Variants in CALN1 observed in about 807,000 individuals in gnomAD.
CALN1 encodes the protein calcium-binding protein 8.
A neutral mutation model predicts 30.6 loss-of-function variants in CALN1; 17 were observed. The ratio of observed to expected loss-of-function variants is 0.56; its 90% CI spans 0.38 to 0.83. The LOEUF (loss-of-function observed/expected upper bound fraction) is 0.83, where lower values mean the gene tolerates loss of function less well. Among genes scored for constraint, CALN1 ranks in the 40% least tolerant of loss-of-function variants. The pLI, the probability that CALN1 is intolerant of heterozygous loss-of-function variation, is 0.00. For synonymous variants in CALN1, 156 were observed against 131.4 expected (o/e 1.19, Z -1.28); for missense variants, 291 against 354.9 (o/e 0.82, Z 1.45).
intron 3 of CALN1, among the ~76,000 whole-genome samples, chr7:72,124,299 A>G (rs1230219358): frequency 6.6e-6 from 1 of 152,206 alleles, no homozygotes; most frequent in Non-Finnish European, 1.5e-5. Flanking sequence ...CTTGGAAAAA[A>G]TTAAGTTACA....
chr7:72,480,643 G>A, the CALN1 span, among the ~76,000 whole-genome samples: 1 of 152,162 alleles, frequency 6.6e-6, no homozygotes, highest in East Asian at 1.9e-4. Flanking sequence ...ATTCATCAGT[G>A]AAGCTGTTTA....
chr7:72,271,575 A>AAAAAAATATATATATATATATATATATAT lies in CALN1; in HGVS notation c.244+7110_244+7111insATATATATATATATATATATATATTTTTT. Among the ~76,000 whole-genome samples the AAAAAAATATATATATATATATATATATAT allele has an allele frequency of 9.4e-4, 49 of 52,090 alleles. 3 individuals are homozygous for AAAAAAATATATATATATATATATATATAT. Among genetic ancestry groups the AAAAAAATATATATATATATATATATATAT allele is most frequent in the Non-Finnish European group, 1.1e-3 (36 of 32,340 alleles). The allele number at this position is 52,090 out of a possible 152,430, so 34.2% of individuals were successfully genotyped here. A position where few individuals can be genotyped will look rare whatever the true frequency, so the allele number is the denominator to read the frequency against. On this transcript the variant is annotated intron_variant, in intron 3 of 6. Transcript: ENST00000395275. ...CTGTGCCTGCCTTTTAAAAAAAAAA[A>AAAAAAATATATATATATATATATATATAT]ATATATATATATATATATAGTTTTC...
Position 72,010,026 on chromosome 7 carries a change from T to C in CALN1, c.501+13631A>G, listed in dbSNP as rs527398851. Among the ~76,000 whole-genome samples the C allele has an allele frequency of 1.6e-4, 24 of 152,300 alleles. 1 individual carries two copies. In the South Asian group the frequency reaches 3.5e-3, roughly 22 times the overall value. On this transcript the variant is annotated intron_variant, in intron 5 of 6. Transcript: ENST00000395275. ...CAGTCAACACAAATGGGATAAAATA[T>C]ACACTGCTGAAAGGAAGGTAACAAA... is the stretch of plus-strand genomic sequence containing the variant.
At chr7:72,094,956 T>A (rs769408784) in intron 4 of CALN1, among the ~76,000 whole-genome samples, 1 of 152,152 alleles carries the variant, frequency 6.6e-6, no homozygotes, top group Non-Finnish European at 1.5e-5. Flanking sequence ...AGCCAAAACA[T>A]TCACATATAG....
intron 3 of CALN1, among the ~76,000 whole-genome samples, chr7:72,109,931 G>A (rs34518405): frequency 0.25 from 37,626 of 152,102 alleles, 5,563 homozygotes; most frequent in East Asian, 0.69. Context: ...GTTTTACACT[G>A]GGGCCAGGAC....
chr7:72,305,304 T>C (rs534577580), intron 2 of CALN1, among the ~76,000 whole-genome samples: 52 of 152,344 alleles, frequency 3.4e-4, no homozygotes, highest in Non-Finnish European at 5.6e-4. Flanking sequence ...GGAATGCTTT[T>C]GGCAGGTGAT....
intron 3 of CALN1, among the ~76,000 whole-genome samples, chr7:72,200,191 C>CA (rs1013153413): frequency 1.3e-5 from 2 of 152,048 alleles, no homozygotes; most frequent in Non-Finnish European, 2.9e-5. Context: ...GTGGCAATGA[C>CA]ACATTTTTGA....
At chr7:71,876,659 G>T (rs537675658) in intron 5 of CALN1, among the ~76,000 whole-genome samples, 4 of 151,958 alleles carry the variant, frequency 2.6e-5, no homozygotes, top group African/African-American at 9.7e-5. Flanking sequence ...AATGACCCCG[G>T]GTGTCCTCCC....
intron 3 of CALN1, among the ~76,000 whole-genome samples, chr7:72,175,286 G>T (rs1049930149): frequency 1.3e-5 from 2 of 152,108 alleles, no homozygotes; most frequent in Admixed American, 6.5e-5. Flanking sequence ...TGTTAGCCAG[G>T]ATGGTCTCGA....
At chr7:72,087,882 G>A (rs750276121) in intron 4 of CALN1, among the ~76,000 whole-genome samples, 2 of 152,168 alleles carry the variant, frequency 1.3e-5, no homozygotes, top group Non-Finnish European at 2.9e-5. Flanking sequence ...GAGAGTGTAC[G>A]CTGGGCGTGA....
intron 2 of CALN1, among the ~76,000 whole-genome samples, chr7:72,331,967 T>C (rs1363526173): frequency 6.6e-6 from 1 of 152,218 alleles, no homozygotes; most frequent in Non-Finnish European, 1.5e-5. Flanking sequence ...TGATTTTCAG[T>C]TCCTGCGTTT....
chr7:72,438,581 G>A (rs184854667), intron 1 of CALN1, among the ~76,000 whole-genome samples: 25 of 152,222 alleles, frequency 1.6e-4, no homozygotes, highest in Admixed American at 1.1e-3. Context: ...AATAGTAGCC[G>A]CCACGTAGAG....
At chr7:72,066,157 T>C (rs531463119) in intron 4 of CALN1, among the ~76,000 whole-genome samples, 1 of 152,356 alleles carries the variant, frequency 6.6e-6, no homozygotes, top group South Asian at 2.1e-4. Flanking sequence ...TACAATTGTT[T>C]CTGCTAAATC....
intron 5 of CALN1, among the ~76,000 whole-genome samples, chr7:71,940,907 C>CA (rs1314617172): frequency 8.5e-5 from 13 of 152,164 alleles, no homozygotes; most frequent in Non-Finnish European, 1.9e-4. Flanking sequence ...CCACTGCACC[C>CA]AGCCTATAGT....
At chr7:72,443,224 T>C (rs1312892933) in intron 1 of CALN1, among the ~76,000 whole-genome samples, 1 of 152,226 alleles carries the variant, frequency 6.6e-6, no homozygotes, top group Non-Finnish European at 1.5e-5. Flanking sequence ...TTTTGTCTTC[T>C]TCTCTGCCTG....
chr7:71,812,693 T>G (rs944618431), intron 5 of CALN1, among the ~76,000 whole-genome samples: 1 of 152,106 alleles, frequency 6.6e-6, no homozygotes, highest in Non-Finnish European at 1.5e-5. Context: ...TTTCTCGTAA[T>G]GATCTTGTTA....
intron 3 of CALN1, among the ~76,000 whole-genome samples, chr7:72,145,285 G>T (rs1486275945): frequency 6.6e-6 from 1 of 151,830 alleles, no homozygotes; most frequent in Non-Finnish European, 1.5e-5. Flanking sequence ...AAGATAAAGG[G>T]GATATCACCA....
intron 1 of CALN1, among the ~76,000 whole-genome samples, chr7:72,408,121 G>A (rs919571191): frequency 6.6e-6 from 1 of 151,874 alleles, no homozygotes; most frequent in African/African-American, 2.4e-5. Flanking sequence ...GTTCCCTTTG[G>A]TTCCATATTG....
chr7:71,879,261 T>A (rs1175084015), intron 5 of CALN1, among the ~76,000 whole-genome samples: 1 of 152,192 alleles, frequency 6.6e-6, no homozygotes, highest in African/African-American at 2.4e-5. Context: ...CATGAGAAGA[T>A]GATTATCTCT....
Sources: allele counts gnomAD v4.1 joint callset (sites outside exome capture counted in the v4.1 genomes callset), GRCh38; gene constraint gnomAD v4.1.1; transcripts MANE v1.5; gene names NCBI Gene and HGNC (gene_info 2026-07-23, HGNC 2026-07-21).